CDK19: variants seen among roughly 807,000 people sequenced by gnomAD.
CDK19 encodes cyclin dependent kinase 19.
A neutral mutation model predicts 68.3 loss-of-function variants in CDK19; 20 were observed. The ratio of observed to expected loss-of-function variants is 0.29; its 90% confidence interval spans 0.21 to 0.43. The LOEUF (loss-of-function observed/expected upper bound fraction) is 0.43. Ranked by LOEUF, CDK19 falls within the 20% of genes least tolerant of loss-of-function variation. CDK19 has a pLI of 1.00. For missense variants in CDK19, 339 were observed against 623.5 expected (o/e 0.54, Z 4.86); for synonymous variants, 221 against 222.8 (o/e 0.99, Z 0.07).
rs145663275 is a variant in CDK19, at chr6:110,619,215, A to C, written c.1377+1889T>G. ...ATGAAAGGTTTATTTTTAAGTCAAC[A>C]GAACAATATGGACATAGAAAAGCAT... On this transcript the variant is annotated intron_variant, in intron 12 of 12. Coordinates refer to ENST00000368911, the MANE Select transcript of CDK19 (RefSeq NM_015076.5). 2.8e-3 allele frequency among the ~76,000 whole-genome samples: 432 copies of C among 152,340 alleles called. 4 individuals are homozygous for C. Among genetic ancestry groups the C allele is most frequent in the East Asian group, 0.01 (52 of 5,186 alleles).
chr6:110,673,146 T>C (rs187523234), intron 2 of CDK19, among the ~76,000 whole-genome samples: 1 of 152,292 alleles, frequency 6.6e-6, no homozygotes, highest in East Asian at 1.9e-4. Flanking sequence ...TTTATGTCTC[T>C]ATGAATTTGA....
chr6:110,705,621 T>C (rs1428359564), intron 2 of CDK19, among the ~76,000 whole-genome samples: 1 of 152,224 alleles, frequency 6.6e-6, no homozygotes, highest in East Asian at 1.9e-4. Flanking sequence ...GAAGGTACGT[T>C]CACAGAAGCG....
chr6:110,781,494 T>G (rs1384695151), intron 1 of CDK19, among the ~76,000 whole-genome samples: 1 of 151,996 alleles, frequency 6.6e-6, no homozygotes, highest in Non-Finnish European at 1.5e-5. Flanking sequence ...CCAAACTATA[T>G]CAGACAGTTG....
intron 1 of CDK19, among the ~76,000 whole-genome samples, chr6:110,807,039 C>T (rs1190933719): frequency 6.6e-6 from 1 of 151,672 alleles, no homozygotes; most frequent in Non-Finnish European, 1.5e-5. Flanking sequence ...ATGGCTTATG[C>T]CTGTAACCCC....
At chr6:110,665,095 C>T (rs558170985) in intron 4 of CDK19, among the ~76,000 whole-genome samples, 1 of 152,264 alleles carries the variant, frequency 6.6e-6, no homozygotes, top group East Asian at 1.9e-4. Flanking sequence ...GAGTTTTAGT[C>T]TGTAAGCAAT....
rs144315117 is a variant in CDK19 at position 110,613,201 on chromosome 6, G to A, written c.*1334C>T. ...GAAAGAACTCAGCCACTAATTCATA[G>A]ATAATGGAAATGCAAATATTCACTT... On this transcript the variant is annotated 3_prime_UTR_variant, in exon 13 of 13. Transcript: ENST00000368911. 6.7e-6 allele frequency: 1 copy of A among 150,012 alleles called. No individual in the cohort carries two copies. 9.3% of individuals were successfully genotyped at this position (150,012 alleles called of 1,614,324 possible). A position where few individuals can be genotyped will look rare whatever the true frequency, so the allele number is the denominator to read the frequency against.
intron 2 of CDK19, among the ~76,000 whole-genome samples, chr6:110,699,892 G>A (rs910028933): frequency 6.6e-6 from 1 of 152,080 alleles, no homozygotes; most frequent in Non-Finnish European, 1.5e-5. Flanking sequence ...TTACAGCAGG[G>A]GTCCCTAACC....
intron 1 of CDK19, among the ~76,000 whole-genome samples, chr6:110,803,315 G>A (rs554159712): frequency 5.9e-5 from 9 of 152,274 alleles, no homozygotes; most frequent in South Asian, 2.1e-4. Flanking sequence ...TCCTGACCTC[G>A]TGATCCACCC....
At chr6:110,713,773 T>C (rs905124959) in intron 2 of CDK19, among the ~76,000 whole-genome samples, 1 of 152,066 alleles carries the variant, frequency 6.6e-6, no homozygotes, top group African/African-American at 2.4e-5. Context: ...TCCTAGCATT[T>C]GGGAGGTTGA....
At chr6:110,719,295 G>C (rs1163636145) in intron 2 of CDK19, among the ~76,000 whole-genome samples, 1 of 152,060 alleles carries the variant, frequency 6.6e-6, no homozygotes, top group Non-Finnish European at 1.5e-5. Context: ...GACCAGCCTG[G>C]GCAACACAGT....
At chr6:110,691,138 T>C (rs1772948512) in intron 2 of CDK19, among the ~76,000 whole-genome samples, 2 of 151,880 alleles carry the variant, frequency 1.3e-5, no homozygotes, top group Non-Finnish European at 2.9e-5. Context: ...TTAAAAAAAA[T>C]CCAGGATATG....
At chr6:110,696,131 A>G (rs1453072685) in intron 2 of CDK19, among the ~76,000 whole-genome samples, 1 of 152,258 alleles carries the variant, frequency 6.6e-6, no homozygotes, top group Non-Finnish European at 1.5e-5. Context: ...CTAACAGCAT[A>G]TCGAAAAGAT....
At chr6:110,803,137 T>C (rs1583138687) in intron 1 of CDK19, among the ~76,000 whole-genome samples, 1 of 152,092 alleles carries the variant, frequency 6.6e-6, no homozygotes, top group Non-Finnish European at 1.5e-5. Context: ...TGGAGGGCAG[T>C]GGTGCCATCT....
intron 1 of CDK19, among the ~76,000 whole-genome samples, chr6:110,767,591 G>A (rs892685419): frequency 2.6e-5 from 4 of 151,642 alleles, no homozygotes; most frequent in Non-Finnish European, 5.9e-5. Context: ...CCTGACCTCA[G>A]GTGATCCACG....
chr6:110,624,213 C>T (rs1298457823), intron 8 of CDK19, among the ~76,000 whole-genome samples: 2 of 151,874 alleles, frequency 1.3e-5, no homozygotes, highest in East Asian at 1.9e-4. Context: ...AAATGCAGAA[C>T]ACTCAGAGTC....
At chr6:110,622,996 G>C (rs1035763941) in intron 9 of CDK19, 84 bp from the exon 10 acceptor site, 3 of 868,470 alleles carry the variant, frequency 3.5e-6, no homozygotes, top group Non-Finnish European at 5.9e-6. Context: ...CTGTGTAACA[G>C]GATTAATATA....
chr6:110,757,623 T>C (rs566071458), intron 1 of CDK19, among the ~76,000 whole-genome samples: 1 of 152,330 alleles, frequency 6.6e-6, no homozygotes, highest in South Asian at 2.1e-4. Flanking sequence ...TGCAAGCAAA[T>C]GTTCTTATTC....
chr6:110,791,963 A>AT (rs1470144436), intron 1 of CDK19, among the ~76,000 whole-genome samples: 3 of 148,780 alleles, frequency 2.0e-5, no homozygotes, highest in South Asian at 4.4e-4. Flanking sequence ...ATGTTTTCTA[A>AT]TTTTTTCTTA....
chr6:110,617,662 T>TACACACACACAC (rs561387463), intron 12 of CDK19, among the ~76,000 whole-genome samples: 34 of 107,154 alleles, frequency 3.2e-4, no homozygotes, highest in African/African-American at 7.7e-4. Flanking sequence ...TATATATATA[T>TACACACACACAC]ACACACACAC....
Sources: gnomAD v4.1 joint callset for allele counts (sites outside exome capture counted in the v4.1 genomes callset) on GRCh38, gnomAD v4.1.1 for gene constraint, MANE v1.5 for transcripts, NCBI Gene and HGNC (gene_info 2026-07-23, HGNC 2026-07-21) for gene names.